The following PEAK1 variants were observed in gnomAD, a reference collection of about 807,000 sequenced individuals.
The protein encoded by PEAK1 is inactive tyrosine-protein kinase PEAK1.
Under a neutral mutation model 124.7 loss-of-function variants are expected in PEAK1, and 54 were observed. That is an observed-to-expected ratio of 0.43 (90% CI 0.35 to 0.54). The LOEUF (loss-of-function observed/expected upper bound fraction) is 0.54, where lower values mean the gene tolerates loss of function less well. Ranked by LOEUF, PEAK1 falls within the 20% of genes least tolerant of loss-of-function variation. The pLI is 0.01. For missense variants in PEAK1, 2,046 were observed against 2,134.5 expected (o/e 0.96, Z 0.82); for synonymous variants, 719 against 760.0 (o/e 0.95, Z 0.89).
In PEAK1 at chr15:77,259,567, T is replaced by C. The variant is rs555655794; in HGVS notation, c.-274-7041A>G. Among the ~76,000 whole-genome samples, 16 of 152,324 alleles carry C rather than the reference T, an allele frequency of 1.1e-4. No individual in the cohort carries two copies. The South Asian group carries it at 3.1e-3, about 30-fold the overall frequency. ...AAACAATTTCTTGGGAGCTTCTGAATTCTGCAAAGGTGTTAGCCTTAAAAC... is the reference window on the plus strand; with the variant it reads ...AAACAATTTCTTGGGAGCTTCTGAACTCTGCAAAGGTGTTAGCCTTAAAAC... On this transcript the variant is annotated intron_variant, in intron 5 of 9. Transcript: ENST00000682557.
At chr15:77,263,275 GAC>G (rs1452281173) in intron 5 of PEAK1, among the ~76,000 whole-genome samples, 1 of 152,018 alleles carries the variant, frequency 6.6e-6, no homozygotes, top group African/African-American at 2.4e-5. Context: ...GAAGGAAATA[GAC>G]ACATAAAAAA....
chr15:77,288,428 C>T (rs913828707), intron 2 of PEAK1, among the ~76,000 whole-genome samples: 97 of 152,230 alleles, frequency 6.4e-4, no homozygotes, highest in African/African-American at 2.2e-3. Context: ...TACTTCTCTA[C>T]ACCACCAAGC....
At chr15:77,392,130 C>A in intron 1 of PEAK1, among the ~76,000 whole-genome samples, 1 of 152,104 alleles carries the variant, frequency 6.6e-6, no homozygotes. Flanking sequence ...CATTTTTGCA[C>A]CCGCAGCATT....
chr15:77,396,918 G>C (rs2141976125), intron 1 of PEAK1, among the ~76,000 whole-genome samples: 1 of 152,260 alleles, frequency 6.6e-6, no homozygotes, highest in East Asian at 1.9e-4. Context: ...CATCCAGACA[G>C]AAAAGAAACA....
At chr15:77,394,105 G>A (rs1053553187) in intron 1 of PEAK1, among the ~76,000 whole-genome samples, 2 of 152,146 alleles carry the variant, frequency 1.3e-5, no homozygotes, top group African/African-American at 2.4e-5. Context: ...CAGCTCAGCC[G>A]CATTAGAATA....
chr15:77,335,512 G>A, intron 2 of PEAK1: 1 of 984,070 alleles, frequency 1.0e-6, no homozygotes, highest in Non-Finnish European at 1.2e-6. Flanking sequence ...ACAGGGTCTG[G>A]CTTGTTGCCC....
intron 2 of PEAK1, among the ~76,000 whole-genome samples, chr15:77,319,247 G>A (rs1483249407): frequency 6.7e-6 from 1 of 149,506 alleles, no homozygotes; most frequent in African/African-American, 2.5e-5. Flanking sequence ...TGCCCCAAAT[G>A]TAGTTTAAAA....
At chr15:77,261,933 G>A (rs2061462331) in intron 5 of PEAK1, among the ~76,000 whole-genome samples, 1 of 152,116 alleles carries the variant, frequency 6.6e-6, no homozygotes, top group Non-Finnish European at 1.5e-5. Flanking sequence ...CTACAAGCCA[G>A]AAGAGAGTGG....
intron 5 of PEAK1, among the ~76,000 whole-genome samples, chr15:77,253,249 G>GGC (rs1555457270): frequency 3.4e-5 from 5 of 148,342 alleles, no homozygotes; most frequent in Non-Finnish European, 6.0e-5. Context: ...ATGCGTTGGG[G>GGC]GGGGGGTGGT....
chr15:77,302,390 C>T (rs1396244733), intron 2 of PEAK1, among the ~76,000 whole-genome samples: 1 of 152,174 alleles, frequency 6.6e-6, no homozygotes, highest in East Asian at 1.9e-4. Flanking sequence ...TCCATTACCA[C>T]ATGGATCATT....
At chr15:77,244,371 C>T (rs1378655158) in intron 6 of PEAK1, among the ~76,000 whole-genome samples, 1 of 152,078 alleles carries the variant, frequency 6.6e-6, no homozygotes, top group Non-Finnish European at 1.5e-5. Context: ...TCTCAAAGTC[C>T]TCAAAGGGAC....
rs578141784 is a variant in PEAK1, at chr15:77,218,642, G to A, written c.-115+33725C>T. ...GCTGGAATACAGTGGTTATTCACAG[G>A]CACAATTATAGTGCACTAAAGCCTT... On this transcript the variant is annotated intron_variant, in intron 6 of 9. Transcript: ENST00000682557. Among the ~76,000 whole-genome samples, 27 of 151,846 alleles carry A rather than the reference G, an allele frequency of 1.8e-4. No homozygotes were observed. In the South Asian group the frequency reaches 4.8e-3, roughly 27 times the overall value.
Position 77,420,036 on chromosome 15 carries a change from A to G in PEAK1, c.-696T>C, listed in dbSNP as rs2073255576. On this transcript the variant is annotated 5_prime_UTR_variant, in exon 1 of 10. Coordinates refer to ENST00000682557, the MANE Select transcript of PEAK1 (RefSeq NM_001385026.1). ...GGGCGCACACGCCGCCGCGGCGACC[A>G]CCATCACCGTCCGTCCCGTCCCCTT... The G allele has an allele frequency of 6.7e-6, 1 of 149,348 alleles. No individual in the cohort carries two copies. Among genetic ancestry groups the G allele is most frequent in the South Asian group, 2.1e-4 (1 of 4,822 alleles). The allele number at this position is 149,348 out of a possible 1,614,324, so 9.3% of individuals were successfully genotyped here.
At chr15:77,130,956 AC>A (rs1318046071) in intron 9 of PEAK1, among the ~76,000 whole-genome samples, 2 of 152,230 alleles carry the variant, frequency 1.3e-5, no homozygotes, top group East Asian at 1.9e-4. Context: ...TGACAAAGCT[AC>A]TAAGAGGCAG....
Position 77,370,239 on chromosome 15 carries a change from A to T in PEAK1, c.-665-5014T>A, listed in dbSNP as rs576784064. ...TGACTTCCTTTCTCCACCTATCCAA[A>T]TTCCTTCCATCCTTCATGGCCCAAT... On this transcript the variant is annotated intron_variant, in intron 1 of 9. Transcript: ENST00000682557. Among the ~76,000 whole-genome samples, 11 of 152,206 alleles carry T rather than the reference A, an allele frequency of 7.2e-5. No individual in the cohort carries two copies. The East Asian group carries it at 2.1e-3, about 29-fold the overall frequency.
chr15:77,234,990 G>A (rs748706393), intron 6 of PEAK1, among the ~76,000 whole-genome samples: 16 of 152,062 alleles, frequency 1.1e-4, no homozygotes, highest in South Asian at 8.3e-4. Flanking sequence ...AGCATCTGGC[G>A]TTGCCCTTGC....
intron 1 of PEAK1, chr15:77,403,523 T>C: frequency 2.1e-6 from 2 of 968,598 alleles, no homozygotes; most frequent in South Asian, 4.8e-5. Context: ...ACAGTAATAA[T>C]AGCTTCCACT....
At chr15:77,175,343 A>G (rs1375090523) in intron 7 of PEAK1, among the ~76,000 whole-genome samples, 1 of 152,228 alleles carries the variant, frequency 6.6e-6, no homozygotes, top group Non-Finnish European at 1.5e-5. Flanking sequence ...AAATTTTCAC[A>G]ACCTATTCAT....
chr15:77,227,300 T>G (rs750039278), intron 6 of PEAK1, among the ~76,000 whole-genome samples: 10 of 152,106 alleles, frequency 6.6e-5, no homozygotes, highest in African/African-American at 9.7e-5. Flanking sequence ...TTCTAATACA[T>G]GATATCCCTA....
Sources: gnomAD v4.1 joint callset for allele counts (sites outside exome capture counted in the v4.1 genomes callset) on GRCh38, gnomAD v4.1.1 for gene constraint, MANE v1.5 for transcripts, NCBI Gene and HGNC (gene_info 2026-07-23, HGNC 2026-07-21) for gene names.